The following GLG1 variants were observed in gnomAD, a reference collection of about 807,000 sequenced individuals.
The protein encoded by GLG1 is Golgi apparatus protein 1.
GLG1 carries 38 observed loss-of-function variants against 160.5 expected under a neutral mutation model. That is an observed-to-expected ratio of 0.24 (90% confidence interval 0.18 to 0.31). The LOEUF (loss-of-function observed/expected upper bound fraction) is 0.31, where lower values mean the gene tolerates loss of function less well. Among genes scored for constraint, GLG1 ranks in the 10% least tolerant of loss-of-function variants. The pLI is 1.00. For missense variants in GLG1, 1,373 were observed against 1,505.2 expected, an observed-to-expected ratio of 0.91 and a Z score of 1.45; for synonymous variants, 644 against 543.4, an observed-to-expected ratio of 1.19 and a Z score of -2.57.
chr16:74,579,039 T>C (rs1216649388), intron 1 of GLG1, among the ~76,000 whole-genome samples: 8 of 152,184 alleles, frequency 5.3e-5, no homozygotes, highest in Non-Finnish European at 1.2e-4. Context: ...GCCCTAGGAA[T>C]GCTGAGTTGC....
intron 1 of GLG1, among the ~76,000 whole-genome samples, chr16:74,581,804 C>T (rs1014526865): frequency 1.1e-4 from 17 of 151,988 alleles, no homozygotes; most frequent in African/African-American, 4.1e-4. Context: ...CCCAGCTACT[C>T]GGGAGGCTGA....
intron 1 of GLG1, among the ~76,000 whole-genome samples, chr16:74,590,396 T>C (rs1237750616): frequency 6.6e-6 from 1 of 151,784 alleles, no homozygotes; most frequent in African/African-American, 2.4e-5. Flanking sequence ...AGCAGGCGGA[T>C]CACCTGAAGT....
chr16:74,489,465 C>T (rs529280115), intron 8 of GLG1, among the ~76,000 whole-genome samples: 13 of 150,884 alleles, frequency 8.6e-5, no homozygotes, highest in Middle Eastern at 3.4e-3. Context: ...GAGTGAGACT[C>T]TGTCTCAAAA....
intron 1 of GLG1, among the ~76,000 whole-genome samples, chr16:74,598,199 C>A (rs965273117): frequency 2.0e-5 from 3 of 152,134 alleles, no homozygotes; most frequent in African/African-American, 7.2e-5. Context: ...CAGTGTCTTG[C>A]ACACAGGTTT....
intron 1 of GLG1, among the ~76,000 whole-genome samples, chr16:74,542,752 A>AGGAAGGAAG (rs1228437313): frequency 0.086 from 3,170 of 36,660 alleles, 370 homozygotes; most frequent in East Asian, 0.19. Flanking sequence ...GAAGGAAGGA[A>AGGAAGGAAG]GGAAGGAAGG....
chr16:74,452,045 G>A lies in GLG1; in HGVS notation c.*1122C>T. 2 of 1,599,394 alleles carry A rather than the reference G, an allele frequency of 1.3e-6. No individual in the cohort carries two copies. Among genetic ancestry groups the A allele is most frequent in the Non-Finnish European group, 1.7e-6 (2 of 1,166,536 alleles). ...CTTGTCTGGGAAGTTTGTCTGGAGT[G>A]TGCAGAAAGGTCAGGCTGGACTGCC... is the stretch of plus-strand genomic sequence containing the variant. On this transcript the variant is annotated 3_prime_UTR_variant, in exon 26 of 26. Transcript: ENST00000422840.
At chr16:74,546,763 G>A (rs9888950) in intron 1 of GLG1, among the ~76,000 whole-genome samples, 98,468 of 148,384 alleles carry the variant, frequency 0.66, 32,872 homozygotes, top group East Asian at 0.81. Flanking sequence ...ACTTGAACCT[G>A]GGAAGCGGAG....
At chr16:74,517,276 T>C (rs1373390563) in intron 2 of GLG1, among the ~76,000 whole-genome samples, 1 of 152,164 alleles carries the variant, frequency 6.6e-6, no homozygotes, top group East Asian at 1.9e-4. Context: ...ATATCCCTGA[T>C]CAACATCTAG....
intron 15 of GLG1, 23 bp downstream of exon 15, chr16:74,471,150 A>G (rs1019455774): frequency 8.3e-7 from 1 of 1,202,594 alleles, no homozygotes; most frequent in Non-Finnish European, 1.2e-6. Flanking sequence ...ATGATGGGAT[A>G]TTGGCAGCCA....
intron 16 of GLG1, chr16:74,469,385 A>C: frequency 3.3e-6 from 1 of 306,448 alleles, no homozygotes; most frequent in Non-Finnish European, 6.2e-6. Context: ...TAACTCTAGG[A>C]CTGTACTTTT....
At chr16:74,456,804 G>C (rs1567453426) in intron 24 of GLG1, 49 bp from the exon 25 acceptor site, 2 of 1,129,522 alleles carry the variant, frequency 1.8e-6, no homozygotes, top group East Asian at 2.3e-5. Context: ...GTACAGAATA[G>C]AGAAATTTCT....
chr16:74,529,972 T>C (rs2017480589), intron 2 of GLG1, among the ~76,000 whole-genome samples: 1 of 151,858 alleles, frequency 6.6e-6, no homozygotes, highest in Non-Finnish European at 1.5e-5. Flanking sequence ...CCACGACGCC[T>C]GGCTAATTTT....
chr16:74,553,973 G>A (rs150084569), intron 1 of GLG1, among the ~76,000 whole-genome samples: 355 of 152,252 alleles, frequency 2.3e-3, no homozygotes, highest in African/African-American at 8.0e-3. Flanking sequence ...AATACAATTT[G>A]TCAATCTAGA....
intron 4 of GLG1, among the ~76,000 whole-genome samples, chr16:74,500,910 A>G (rs1597274328): frequency 6.6e-6 from 1 of 152,340 alleles, no homozygotes; most frequent in Admixed American, 6.5e-5. Context: ...TTATATTAAC[A>G]TTTGAAAAAA....
At chr16:74,475,975 A>T (rs2015378674) in intron 12 of GLG1, among the ~76,000 whole-genome samples, 1 of 152,182 alleles carries the variant, frequency 6.6e-6, no homozygotes, top group South Asian at 2.1e-4. Flanking sequence ...TGAGCTCAGG[A>T]GTTAGAGACC....
rs554400574 is a variant in GLG1 at position 74,557,293 on chromosome 16, TGTAATA to T, written c.439-25146_439-25141del. ...TTTATTTCCTGCTTATCCATTACTA[TGTAATA>T]GTAAGTGTGCTGAAGTAAAGCTGTG... On this transcript the variant is annotated intron_variant, in intron 1 of 25. Transcript: ENST00000422840. Among the ~76,000 whole-genome samples the T allele has an allele frequency of 1.5e-3, 224 of 152,248 alleles. 1 individual carries two copies. The South Asian group carries it at 0.016, about 11-fold the overall frequency.
At chr16:74,605,044 C>CA (rs1958534066) in intron 1 of GLG1, among the ~76,000 whole-genome samples, 1 of 151,312 alleles carries the variant, frequency 6.6e-6, no homozygotes, top group Non-Finnish European at 1.5e-5. Context: ...GACTCCATCT[C>CA]AAAAAAAAGA....
chr16:74,597,430 CA>C (rs1180246941), intron 1 of GLG1, among the ~76,000 whole-genome samples: 1,034 of 62,198 alleles, frequency 0.017, 4 homozygotes, highest in African/African-American at 0.047. Flanking sequence ...GACTCCATCT[CA>C]AAAAAAAAAA....
intron 3 of GLG1, among the ~76,000 whole-genome samples, chr16:74,506,081 ATTTTTTTTT>A (rs71376213): frequency 2.0e-5 from 2 of 101,918 alleles, no homozygotes; most frequent in East Asian, 6.6e-4. Flanking sequence ...CCTGGAAAAG[ATTTTTTTTT>A]TTTTTTTTTT....
Sources: allele counts gnomAD v4.1 joint callset (sites outside exome capture counted in the v4.1 genomes callset), GRCh38; gene constraint gnomAD v4.1.1; transcripts MANE v1.5; gene names NCBI Gene and HGNC (gene_info 2026-07-23, HGNC 2026-07-21).